SLC9A6: variants seen among roughly 807,000 people sequenced by gnomAD.
SLC9A6 encodes sodium/hydrogen exchanger 6.
In SLC9A6, 6 loss-of-function variants were observed where a neutral mutation model predicts 45.3. The observed-to-expected ratio is 0.13, with a 90% CI of 0.07 to 0.26. SLC9A6 has a LOEUF of 0.26. SLC9A6 is among the 10% of genes least tolerant of loss of function. The pLI is 1.00. For synonymous variants in SLC9A6, 191 were observed against 187.7 expected (o/e 1.02, Z -0.14); for missense variants, 278 against 503.7 (o/e 0.55, Z 4.29).
At chrX:136,044,320 A>G in intron 17 of SLC9A6, 132 bp from the exon 18 acceptor site, 3 of 532,395 alleles carry the variant, frequency 5.6e-6, no homozygotes, top group South Asian at 5.8e-5. Flanking sequence ...CAAGGTATGG[A>G]CTTTAGACTT....
intron 13 of SLC9A6, among the ~76,000 whole-genome samples, chrX:136,025,209 G>C (rs139891197): frequency 9.3e-4 from 105 of 112,317 alleles, no homozygotes; most frequent in African/African-American, 3.1e-3. Context: ...TGAGGTCTTA[G>C]TCTTGAATGT....
intron 7 of SLC9A6, among the ~76,000 whole-genome samples, chrX:136,005,714 A>G (rs2089647647): frequency 9.1e-6 from 1 of 109,721 alleles, no homozygotes; most frequent in African/African-American, 3.3e-5. Flanking sequence ...CCCTTTCCAT[A>G]GCATTTCTCA....
chrX:135,976,375 C>T (rs188312528), intron 1 of SLC9A6, among the ~76,000 whole-genome samples: 16 of 111,467 alleles, frequency 1.4e-4, no homozygotes, highest in Admixed American at 4.8e-4. Flanking sequence ...CTTTTCAGAT[C>T]CCCTGTAAAA....
rs782603822 is a variant in SLC9A6 at position 136,020,553 on chromosome X, T to G, written c.1195-2033T>G. On this transcript the variant is annotated intron_variant, in intron 11 of 17. Transcript: ENST00000630721. Reference sequence around the variant, plus strand: ...GCCCGGCTAATTTTTATATTTTCAGTAGAGGCAGGGTTTCGCCATGTTGGC... The same window carrying G: ...GCCCGGCTAATTTTTATATTTTCAGGAGAGGCAGGGTTTCGCCATGTTGGC... 3.7e-3 allele frequency among the ~76,000 whole-genome samples: 408 copies of G among 111,276 alleles called. 3 individuals carry two copies. Among genetic ancestry groups the G allele is most frequent in the African/African-American group, 0.012 (381 of 30,657 alleles).
chrX:136,041,675 G>A (rs1404830078), intron 17 of SLC9A6, among the ~76,000 whole-genome samples: 1 of 112,291 alleles, frequency 8.9e-6, no homozygotes, highest in African/African-American at 3.2e-5. Context: ...AGCCAGAAGA[G>A]GTCCACAACA....
At chrX:136,033,934 A>G (rs2071371104) in intron 16 of SLC9A6, among the ~76,000 whole-genome samples, 2 of 111,930 alleles carry the variant, frequency 1.8e-5, no homozygotes. Context: ...TGCGCTGTTC[A>G]GCAATACACT....
chrX:135,975,133 G>C (rs782004115), intron 1 of SLC9A6: 3 of 112,865 alleles, frequency 2.7e-5, no homozygotes, highest in African/African-American at 9.8e-5. Flanking sequence ...TCTCTCCTTA[G>C]CTCCAGGGCT....
chrX:135,987,728 G>T (rs1375706748), intron 2 of SLC9A6, among the ~76,000 whole-genome samples: 1 of 110,421 alleles, frequency 9.1e-6, no homozygotes. Flanking sequence ...CAGACCAAGG[G>T]CTGTAGTTTG....
intron 13 of SLC9A6, among the ~76,000 whole-genome samples, chrX:136,025,402 A>G (rs1329663461): frequency 8.9e-6 from 1 of 112,446 alleles, no homozygotes; most frequent in Non-Finnish European, 1.9e-5. Context: ...ATTAGAGAAA[A>G]CAGTATTTCA....
intron 2 of SLC9A6, among the ~76,000 whole-genome samples, chrX:135,992,315 G>A (rs1309494100): frequency 3.6e-5 from 4 of 111,441 alleles, no homozygotes; most frequent in African/African-American, 1.3e-4. Flanking sequence ...ACTCTCTTAG[G>A]TTAGGACCTA....
intron 6 of SLC9A6, among the ~76,000 whole-genome samples, chrX:136,001,197 T>C (rs1334941720): frequency 3.7e-5 from 4 of 108,248 alleles, no homozygotes; most frequent in Admixed American, 1.0e-4. Flanking sequence ...ATTAGCCAGG[T>C]GTTCTGGCGG....
intron 7 of SLC9A6, among the ~76,000 whole-genome samples, chrX:136,008,893 A>G (rs1048360992): frequency 1.5e-4 from 17 of 112,285 alleles, no homozygotes; most frequent in African/African-American, 4.2e-4. Flanking sequence ...TTCTCAGCCC[A>G]TCATGTTTCC....
chrX:135,996,870 C>T (rs1287252118), intron 3 of SLC9A6, among the ~76,000 whole-genome samples: 6 of 108,133 alleles, frequency 5.5e-5, no homozygotes, highest in African/African-American at 2.0e-4. Context: ...GGGTTCACGC[C>T]GTTCTCCTGC....
chrX:135,999,087 T>C, intron 6 of SLC9A6, 119 bp downstream of exon 6: 1 of 523,831 alleles, frequency 1.9e-6, no homozygotes, highest in East Asian at 3.4e-5. Flanking sequence ...CTTAGTACTA[T>C]ACTTTCTAAT....
chrX:136,009,380 T>G (rs2070875801), intron 7 of SLC9A6, among the ~76,000 whole-genome samples: 1 of 112,057 alleles, frequency 8.9e-6, no homozygotes, highest in Admixed American at 9.5e-5. Flanking sequence ...GATTTTAGTT[T>G]GATCTTAGAT....
chrX:136,045,022 TTC>T lies in SLC9A6; in HGVS notation c.*302_*303del. ...GTTAAAGTGTAAAAAGTGACGGATT[TTC>T]TCTTTCTTAAACTTACCTGACACTT... is the stretch of plus-strand genomic sequence containing the variant. On this transcript the variant is annotated 3_prime_UTR_variant, in exon 18 of 18. Coordinates refer to ENST00000630721, the MANE Select transcript of SLC9A6 (RefSeq NM_001379110.1). 3.8e-6 allele frequency: 1 copy of T among 261,942 alleles called. No homozygotes were observed. Among genetic ancestry groups the T allele is most frequent in the South Asian group, 7.8e-5 (1 of 12,762 alleles). The allele number at this position is 261,942 out of a possible 1,213,427, so 21.6% of individuals were successfully genotyped here.
At chrX:136,000,403 A>G (rs912183864) in intron 6 of SLC9A6, among the ~76,000 whole-genome samples, 2 of 110,450 alleles carry the variant, frequency 1.8e-5, no homozygotes, top group African/African-American at 6.6e-5. Flanking sequence ...GTTTGTAGCT[A>G]CTCCCATTAT....
At chrX:135,973,980 A>G, upstream of SLC9A6, 1 of 991,990 alleles carries the variant, frequency 1.0e-6, no homozygotes, top group African/African-American at 2.3e-5. Flanking sequence ...GCTACGGGGA[A>G]GCGAAGAGGA....
At position 136,000,538 on chromosome X, in the gene SLC9A6, C is replaced by T. The variant is rs782736112; in HGVS notation, c.637+1570C>T. ...AAATCTGAGTCCATGAGTCCATTGGCTTGGCTACATTATTTCAACTTTCTG... is the reference window on the plus strand; with the variant it reads ...AAATCTGAGTCCATGAGTCCATTGGTTTGGCTACATTATTTCAACTTTCTG... On this transcript the variant is annotated intron_variant, in intron 6 of 17. Coordinates refer to ENST00000630721, the MANE Select transcript of SLC9A6 (RefSeq NM_001379110.1). 7.2e-5 allele frequency among the ~76,000 whole-genome samples: 8 copies of T among 111,719 alleles called. No individual in the cohort carries two copies. In the South Asian group the frequency reaches 2.6e-3, roughly 36 times the overall value.
Sources: allele counts gnomAD v4.1 joint callset (sites outside exome capture counted in the v4.1 genomes callset), GRCh38; gene constraint gnomAD v4.1.1; transcripts MANE v1.5; gene names NCBI Gene and HGNC (gene_info 2026-07-23, HGNC 2026-07-21).